The following COL27A1 variants were observed in gnomAD, a reference collection of about 807,000 sequenced individuals.
COL27A1 encodes collagen type XXVII alpha 1 chain, also known as collagen alpha-1(XXVII) chain.
COL27A1 carries 106 observed loss-of-function variants against 251.3 expected under a neutral mutation model. The observed-to-expected ratio is 0.42, with a 90% confidence interval of 0.36 to 0.50. COL27A1 has a LOEUF of 0.50. COL27A1 is among the 20% of genes least tolerant of loss of function. The probability of loss-of-function intolerance (pLI) is 0.00; values close to 1 mark genes in which losing one functional copy is unlikely to be tolerated. For missense variants in COL27A1, 2,325 were observed against 2,522.8 expected (o/e 0.92, Z 1.68); for synonymous variants, 1,000 against 986.3 (o/e 1.01, Z -0.26).
chr9:114,278,931 G>T (rs1201826075), intron 37 of COL27A1, among the ~76,000 whole-genome samples: 2 of 152,148 alleles, frequency 1.3e-5, no homozygotes, highest in African/African-American at 4.8e-5. Flanking sequence ...ATGGGGCCCA[G>T]CAGAAATATT....
intron 22 of COL27A1, 59 bp downstream of exon 22, chr9:114,242,290 G>A (rs1434380677): frequency 2.7e-6 from 4 of 1,475,980 alleles, no homozygotes; most frequent in Non-Finnish European, 3.7e-6. Context: ...GCTGTGCACA[G>A]GCAGGGCAAC....
rs141829426 is a variant in COL27A1, at chr9:114,200,534, A to G, written c.2124+4522A>G. Reference sequence around the variant, plus strand: ...CTGGATGAATGAATGAGCCATGCAGAAAATATACCTTCCTGCCTGGAGCCG... The same window carrying G: ...CTGGATGAATGAATGAGCCATGCAGGAAATATACCTTCCTGCCTGGAGCCG... On this transcript the variant is annotated intron_variant, in intron 7 of 60. Coordinates refer to ENST00000356083, the MANE Select transcript of COL27A1 (RefSeq NM_032888.4). Among the ~76,000 whole-genome samples the G allele has an allele frequency of 9.8e-5, 15 of 152,348 alleles. 1 individual carries two copies. The highest frequency in any genetic ancestry group is 3.6e-4 in the African/African-American group (15 of 41,580).
At chr9:114,282,426 T>A in intron 38 of COL27A1, 31 bp from the exon 39 acceptor site, 1 of 1,606,560 alleles carries the variant, frequency 6.2e-7, no homozygotes, top group Non-Finnish European at 8.5e-7. Context: ...CTGTTGGGCC[T>A]GGTGACAGCT....
intron 28 of COL27A1, among the ~76,000 whole-genome samples, chr9:114,263,254 GCCTT>G (rs1176864942): frequency 6.6e-6 from 1 of 152,080 alleles, no homozygotes; most frequent in Non-Finnish European, 1.5e-5. Flanking sequence ...ACTGTGCCCA[GCCTT>G]CCTTGTTTGA....
At chr9:114,203,064 T>C (rs1409570431) in intron 7 of COL27A1, among the ~76,000 whole-genome samples, 2 of 152,222 alleles carry the variant, frequency 1.3e-5, no homozygotes, top group Non-Finnish European at 2.9e-5. Flanking sequence ...AAATGTTTCA[T>C]CTTGCAAAAC....
intron 37 of COL27A1, among the ~76,000 whole-genome samples, chr9:114,276,562 G>A (rs920159135): frequency 4.6e-5 from 7 of 152,158 alleles, no homozygotes; most frequent in South Asian, 2.1e-4. Flanking sequence ...CTGAGATTGC[G>A]CCACTGCACT....
chr9:114,290,332 G>T lies in COL27A1; in HGVS notation c.4368+1G>T. On this transcript the variant is annotated splice_donor_variant, in intron 47 of 60. Coordinates refer to ENST00000356083, the MANE Select transcript of COL27A1 (RefSeq NM_032888.4). LOFTEE classifies it high-confidence loss of function. The surrounding 1 kb of genome is among the most constrained non-coding windows in gnomAD (Gnocchi z 4.6). ...CAGGGACGGGCAAGCAGGACAGCAGGTGAGCGGGAATTGGCATTAACAGAT... is the reference window on the plus strand; with the variant it reads ...CAGGGACGGGCAAGCAGGACAGCAGTTGAGCGGGAATTGGCATTAACAGAT... 1 of 1,572,134 alleles carries T rather than the reference G, an allele frequency of 6.4e-7. No individual in the cohort carries two copies. Among genetic ancestry groups the T allele is most frequent in the South Asian group, 1.2e-5 (1 of 85,692 alleles).
intron 9 of COL27A1, 87 bp from the exon 10 acceptor site, chr9:114,206,165 G>A (rs1195970644): frequency 1.5e-5 from 19 of 1,282,340 alleles, no homozygotes; most frequent in Non-Finnish European, 1.5e-5. Flanking sequence ...GAGCAGCAGA[G>A]GCCCCAAAGA....
chr9:114,240,577 G>A (rs1832691713), intron 21 of COL27A1, 90 bp downstream of exon 21: 1 of 1,288,310 alleles, frequency 7.8e-7, no homozygotes, highest in South Asian at 1.3e-5. Flanking sequence ...CCTTAGCTTG[G>A]GCTGGAGCCC....
intron 24 of COL27A1, among the ~76,000 whole-genome samples, chr9:114,249,830 A>C (rs1833400190): frequency 6.6e-6 from 1 of 152,192 alleles, no homozygotes; most frequent in Admixed American, 6.5e-5. Flanking sequence ...TTCCAAAGCC[A>C]CTTCTGCACT....
intron 23 of COL27A1, among the ~76,000 whole-genome samples, chr9:114,244,229 A>G (rs904809111): frequency 8.5e-5 from 13 of 152,150 alleles, no homozygotes; most frequent in African/African-American, 2.4e-4. Flanking sequence ...CCTGGCCAAC[A>G]TGGCACCCTG....
intron 14 of COL27A1, among the ~76,000 whole-genome samples, chr9:114,227,253 A>T (rs56978671): frequency 6.6e-6 from 1 of 151,102 alleles, no homozygotes; most frequent in Admixed American, 6.6e-5. Context: ...TGAGTCTCCA[A>T]CCTGACCTGA....
In COL27A1 at chr9:114,168,305, C is replaced by T. The variant is rs1849051191; in HGVS notation, c.750C>T (p.Phe250=). Residue 250 remains phenylalanine (F), a synonymous_variant, in exon 3 of 61, where the codon TTC becomes TTT. Coordinates refer to ENST00000356083, the MANE Select transcript of COL27A1 (RefSeq NM_032888.4). ...DTYQSPLGPL[F]SQDSGRPFTF... is the part of the protein sequence containing the mutation. ...ACCAGTCCCCACTGGGACCTCTCTT[C>T]TCCCAAGACTCTGGCAGACCTTTTA... 6.2e-7 allele frequency: 1 copy of T among 1,613,438 alleles called. No individual in the cohort carries two copies. The highest frequency in any genetic ancestry group is 2.2e-5 in the East Asian group (1 of 44,876).
chr9:114,259,569 C>T (rs962728956), intron 28 of COL27A1, among the ~76,000 whole-genome samples: 3 of 152,192 alleles, frequency 2.0e-5, no homozygotes, highest in African/African-American at 7.2e-5. Flanking sequence ...TCTGAGCCTC[C>T]ACTCCACTCC....
In COL27A1 at chr9:114,292,159, C is replaced by A; in HGVS notation, c.4533C>A (p.Gly1511=). Residue 1511 remains glycine, a synonymous_variant, in exon 49 of 61, where the codon GGC becomes GGA. Transcript: ENST00000356083. ...CCCCTGGCAAGCGAGGAACAGAGGG[C>A]AGAACGGGGCTCCCTGGAAACCAGG... ...LGPPGKRGTE[G]RTGLPGNQGE... 6.4e-7 allele frequency: 1 copy of A among 1,561,624 alleles called. No homozygotes were observed. Among genetic ancestry groups the A allele is most frequent in the Non-Finnish European group, 8.7e-7 (1 of 1,152,662 alleles).
At chr9:114,157,016 C>A (rs972276141) in intron 1 of COL27A1, among the ~76,000 whole-genome samples, 2 of 152,046 alleles carry the variant, frequency 1.3e-5, no homozygotes, top group African/African-American at 2.4e-5. Context: ...TCCTTTCTTC[C>A]CCATGTCTTG....
chr9:114,173,053 C>A (rs1849430666), intron 3 of COL27A1, among the ~76,000 whole-genome samples: 2 of 152,218 alleles, frequency 1.3e-5, no homozygotes, highest in South Asian at 4.1e-4. Context: ...GAGTTCTGGG[C>A]CCAGGCCTGC....
intron 4 of COL27A1, 37 bp downstream of exon 4, chr9:114,178,381 G>A (rs1827633898): frequency 3.1e-6 from 5 of 1,597,350 alleles, no homozygotes; most frequent in East Asian, 2.2e-5. Flanking sequence ...AACTCTTGGT[G>A]GCTCTTTGGC....
chr9:114,162,706 G>T lies in COL27A1; in HGVS notation c.63-9G>T, dbSNP rs1848584596. ...GATGCCGCCTCTGCTTGTGTCTCCT[G>T]GTCTCTAGGGGGTTTCTCTTCTCCT... On this transcript the variant is annotated splice_polypyrimidine_tract_variant and intron_variant, in intron 1 of 60. Transcript: ENST00000356083. The T allele has an allele frequency of 6.2e-7, 1 of 1,609,496 alleles. No individual in the cohort carries two copies. Among genetic ancestry groups the T allele is most frequent in the African/African-American group, 1.3e-5 (1 of 74,488 alleles).
Sources: gnomAD v4.1 joint callset for allele counts (sites outside exome capture counted in the v4.1 genomes callset) on GRCh38, gnomAD v4.1.1 for gene constraint, Gnocchi (gnomAD v3.1) non-coding constraint, MANE v1.5 for transcripts, NCBI Gene and HGNC (gene_info 2026-07-23, HGNC 2026-07-21) for gene names.